The following SLC13A2 variants were observed in gnomAD, a reference collection of about 807,000 sequenced individuals.
SLC13A2 encodes Na(+)-coupled citrate transporter.
In SLC13A2, 40 loss-of-function variants were observed where a neutral mutation model predicts 58.5. The observed-to-expected ratio is 0.68, with a 90% confidence interval of 0.53 to 0.89. The LOEUF (loss-of-function observed/expected upper bound fraction) is 0.89. Ranked by LOEUF, SLC13A2 falls within the 40% of genes least tolerant of loss-of-function variation. The probability of loss-of-function intolerance (pLI) is 0.00; values close to 1 mark genes in which losing one functional copy is unlikely to be tolerated. For synonymous variants in SLC13A2, 341 were observed against 331.6 expected (o/e 1.03, Z -0.31); for missense variants, 694 against 772.6 (o/e 0.90, Z 1.21).
intron 6 of SLC13A2, 47 bp downstream of exon 6, chr17:28,491,899 C>G (rs1555603602): frequency 3.8e-6 from 6 of 1,590,864 alleles, no homozygotes; most frequent in Non-Finnish European, 5.1e-6. Flanking sequence ...TGCCCTTAGC[C>G]CTGGGAGCTT....
In SLC13A2 at chr17:28,491,508, C is replaced by G; in HGVS notation, c.646C>G (p.His216Asp). 1 of 1,613,788 alleles carries G rather than the reference C, an allele frequency of 6.2e-7. No individual in the cohort carries two copies. Among genetic ancestry groups the G allele is most frequent in the African/African-American group, 1.3e-5 (1 of 75,072 alleles). ...GRAHLSQKHL[H>D]LTQCMSLCVC... ...GGCACATCTCAGCCAGAAGCATCTCCACCTCACCCAGTGCATGAGCCTGTG... is the reference window on the plus strand; with the variant it reads ...GGCACATCTCAGCCAGAAGCATCTCGACCTCACCCAGTGCATGAGCCTGTG... Residue 216 changes from histidine to aspartate, a missense_variant, in exon 5 of 12, where the codon CAC becomes GAC. Coordinates refer to ENST00000314669, the MANE Select transcript of SLC13A2 (RefSeq NM_003984.4).
chr17:28,489,843 C>T lies in SLC13A2; in HGVS notation c.231+501C>T, dbSNP rs9896507. Among the ~76,000 whole-genome samples, 10 of 152,140 alleles carry T rather than the reference C, an allele frequency of 6.6e-5. 1 individual carries two copies. Among genetic ancestry groups the T allele is most frequent in the Admixed American group, 4.6e-4 (7 of 15,282 alleles). Reference sequence around the variant, plus strand: ...GAACCACTGTCTAGTTTTTAGAAACCGCACTAAAGTATCTATCTCCCAGTC... The same window carrying T: ...GAACCACTGTCTAGTTTTTAGAAACTGCACTAAAGTATCTATCTCCCAGTC... On this transcript the variant is annotated intron_variant, in intron 2 of 11. Coordinates refer to ENST00000314669, the MANE Select transcript of SLC13A2 (RefSeq NM_003984.4).
intron 5 of SLC13A2, 51 bp from the exon 6 acceptor site, chr17:28,491,679 C>A: frequency 1.2e-6 from 2 of 1,609,754 alleles, no homozygotes; most frequent in Non-Finnish European, 1.7e-6. Flanking sequence ...GTGAATGGGG[C>A]TGGGCAGTTC....
At chr17:28,486,753 T>C (rs964159191) in intron 1 of SLC13A2, among the ~76,000 whole-genome samples, 1 of 150,876 alleles carries the variant, frequency 6.6e-6, no homozygotes, top group Non-Finnish European at 1.5e-5. Flanking sequence ...CAGGGAGCCA[T>C]GCATCAAACA....
rs2069151262 is a variant in SLC13A2, at chr17:28,496,694, C to CG, written c.1608+110dup. 6.9e-7 allele frequency: 1 copy of CG among 1,450,382 alleles called. No homozygotes were observed. The highest frequency in any genetic ancestry group is 1.4e-5 in the South Asian group (1 of 72,150). The allele number at this position is 1,450,382 out of a possible 1,614,324, so 89.8% of individuals were successfully genotyped here. A position where few individuals can be genotyped will look rare whatever the true frequency, so the allele number is the denominator to read the frequency against. On this transcript the variant is annotated intron_variant, in intron 11 of 11. Transcript: ENST00000314669. The surrounding 1 kb of genome is among the most constrained non-coding windows in gnomAD (Gnocchi z 4.2). ...AGCCACTGAGAGTCTCAGAGTTGAG[C>CG]GGGTCCTCATCTGGAATGAAGGTGC...
intron 7 of SLC13A2, 23 bp from the exon 8 acceptor site, chr17:28,493,994 C>T (rs782777346): frequency 1.1e-5 from 18 of 1,606,306 alleles, no homozygotes; most frequent in Non-Finnish European, 1.4e-5. Context: ...ACCCAGCCCT[C>T]CCCGCGCCCC....
At chr17:28,490,982 G>A in intron 4 of SLC13A2, 76 bp downstream of exon 4, 1 of 1,362,818 alleles carries the variant, frequency 7.3e-7, no homozygotes, top group Non-Finnish European at 9.9e-7. Flanking sequence ...CCGTTTCGAG[G>A]GCTGGTCATC....
chr17:28,481,665 G>A (rs2068788787), intron 1 of SLC13A2, among the ~76,000 whole-genome samples: 1 of 152,196 alleles, frequency 6.6e-6, no homozygotes, highest in Admixed American at 6.5e-5. Context: ...CTGCTGTAGA[G>A]GTTGTCGTTT....
In SLC13A2 at chr17:28,473,678, G is replaced by A. The variant is rs782156839; in HGVS notation, c.-35G>A. On this transcript the variant is annotated 5_prime_UTR_variant, in exon 1 of 12. Transcript: ENST00000314669. ...GTCCTTCTGTTACCCAGCTCCTGGA[G>A]GCAGTGGCTGTAGCAGCCCTTGCTG... 1.3e-6 allele frequency: 2 copies of A among 1,527,206 alleles called. No individual in the cohort carries two copies. Among genetic ancestry groups the A allele is most frequent in the East Asian group, 2.3e-5 (1 of 44,336 alleles). The allele number at this position is 1,527,206 out of a possible 1,614,324, so 94.6% of individuals were successfully genotyped here. A position where few individuals can be genotyped will look rare whatever the true frequency, so the allele number is the denominator to read the frequency against.
At chr17:28,481,694 T>C (rs557949636) in intron 1 of SLC13A2, among the ~76,000 whole-genome samples, 2 of 152,364 alleles carry the variant, frequency 1.3e-5, no homozygotes, top group East Asian at 3.9e-4. Flanking sequence ...GGCTGGTTAT[T>C]ACAGAAGTTG....
At chr17:28,487,515 A>G (rs1555602188) in intron 1 of SLC13A2, 2 of 984,958 alleles carry the variant, frequency 2.0e-6, no homozygotes, top group Non-Finnish European at 2.4e-6. Context: ...GTCATCCTCC[A>G]ATACTTATAC....
At chr17:28,489,975 A>T (rs990474545) in intron 2 of SLC13A2, among the ~76,000 whole-genome samples, 21 of 152,232 alleles carry the variant, frequency 1.4e-4, no homozygotes, top group African/African-American at 5.1e-4. Flanking sequence ...GGTTGATATT[A>T]AATGATAGAT....
chr17:28,490,421 T>C (rs2068981883), intron 2 of SLC13A2, 33 bp from the exon 3 acceptor site: 1 of 1,614,014 alleles, frequency 6.2e-7, no homozygotes. Flanking sequence ...CTCCAGGGTC[T>C]TCCCGCCGCT....
intron 1 of SLC13A2, among the ~76,000 whole-genome samples, chr17:28,486,403 T>C (rs1229276463): frequency 6.6e-6 from 1 of 152,254 alleles, no homozygotes; most frequent in African/African-American, 2.4e-5. Context: ...TCTTCATGGA[T>C]TCTCAGAACT....
At position 28,473,791 on chromosome 17, in the gene SLC13A2, C is replaced by T. The variant is rs2068625126; in HGVS notation, c.79C>T (p.Leu27=). 1 of 1,614,158 alleles carries T rather than the reference C, an allele frequency of 6.2e-7. No homozygotes were observed. Residue 27 remains leucine, a synonymous_variant, in exon 1 of 12, where the codon CTG becomes TTG. Coordinates refer to ENST00000314669, the MANE Select transcript of SLC13A2 (RefSeq NM_003984.4). ...CTTCGTGCCCATTCTCCTGCTGCCTCTGCCCATCCTCGTCCCCAGTAAGGT... is the reference window on the plus strand; with the variant it reads ...CTTCGTGCCCATTCTCCTGCTGCCTTTGCCCATCCTCGTCCCCAGTAAGGT... ...VFFVPILLLP[L]PILVPSKEAY... is the part of the protein sequence containing the mutation.
chr17:28,480,791 T>TA (rs1233302114), intron 1 of SLC13A2, among the ~76,000 whole-genome samples: 1 of 152,180 alleles, frequency 6.6e-6, no homozygotes, highest in Non-Finnish European at 1.5e-5. Flanking sequence ...TCTTCTCCAT[T>TA]GCTCTGTTCA....
chr17:28,490,682 T>C lies in SLC13A2; in HGVS notation c.369-19T>C. 1.2e-6 allele frequency: 2 copies of C among 1,603,838 alleles called. No homozygotes were observed. The highest frequency in any genetic ancestry group is 1.7e-6 in the Non-Finnish European group (2 of 1,172,380). ...GAAGGGAAGCTGGAACAGCAGTGTG[T>C]CTGTCTGCCCATCCCTAGGCTAATC... On this transcript the variant is annotated intron_variant, in intron 3 of 11. Coordinates refer to ENST00000314669, the MANE Select transcript of SLC13A2 (RefSeq NM_003984.4).
At chr17:28,491,880 C>T (rs1567857154) in intron 6 of SLC13A2, 28 bp downstream of exon 6, 1 of 1,610,922 alleles carries the variant, frequency 6.2e-7, no homozygotes, top group Non-Finnish European at 8.5e-7. Context: ...TGAGAGAAGC[C>T]CAGGTCCCTG....
Position 28,497,471 on chromosome 17 carries a change from T to A in SLC13A2, c.*202T>A. 1.6e-6 allele frequency: 1 copy of A among 613,372 alleles called. No homozygotes were observed. Among genetic ancestry groups the A allele is most frequent in the Non-Finnish European group, 2.8e-6 (1 of 354,602 alleles). The allele number at this position is 613,372 out of a possible 1,614,324, so 38.0% of individuals were successfully genotyped here. On this transcript the variant is annotated 3_prime_UTR_variant, in exon 12 of 12. Transcript: ENST00000314669. The stretch of plus-strand genomic sequence containing the variant: ...CTGGAATAAAAGGTGTGTGCATGTG[T>A]GTGTGCGCATATGTGTGCGCCTGCA...
Sources: allele counts gnomAD v4.1 joint callset (sites outside exome capture counted in the v4.1 genomes callset), GRCh38; gene constraint gnomAD v4.1.1; non-coding constraint Gnocchi (gnomAD v3.1); transcripts MANE v1.5; gene names NCBI Gene and HGNC (gene_info 2026-07-23, HGNC 2026-07-21).